Variants in IL1R1 observed in about 807,000 individuals in gnomAD.
IL1R1 encodes the protein interleukin 1 receptor type 1.
Under a neutral mutation model 50.2 loss-of-function variants are expected in IL1R1, and 22 were observed. The observed-to-expected ratio is 0.44, with a 90% CI of 0.31 to 0.63. The LOEUF (loss-of-function observed/expected upper bound fraction) is 0.63, where lower values mean the gene tolerates loss of function less well. Among genes scored for constraint, IL1R1 ranks in the 20% least tolerant of loss-of-function variants. IL1R1 has a pLI of 0.07. For synonymous variants in IL1R1, 251 were observed against 236.7 expected (o/e 1.06, Z -0.55); for missense variants, 509 against 676.2 (o/e 0.75, Z 2.74).
At chr2:102,169,448 A>C (rs995551364) in intron 7 of IL1R1, among the ~76,000 whole-genome samples, 2 of 152,236 alleles carry the variant, frequency 1.3e-5, no homozygotes, top group Non-Finnish European at 2.9e-5. Flanking sequence ...CTTAATAGCC[A>C]CATGTGACAA....
chr2:102,166,314 A>C, intron 6 of IL1R1, 33 bp downstream of exon 6: 1 of 1,543,626 alleles, frequency 6.5e-7, no homozygotes, highest in Non-Finnish European at 8.9e-7. Context: ...AAAGGTTTAG[A>C]TCTGGGAAGG....
rs1679046976 is a variant in IL1R1 at position 102,078,018 on chromosome 2, G to A, written c.-84+7485G>A. On this transcript the variant is annotated intron_variant, in intron 1 of 11. Coordinates refer to the IL1R1 transcript ENST00000409929. Reference sequence around the variant, plus strand: ...AAAAGAGAAATTAAAAATACTGTAAGATTAAAGAAAATGAAAGCACAATAC... The same window carrying A: ...AAAAGAGAAATTAAAAATACTGTAAAATTAAAGAAAATGAAAGCACAATAC... 5.3e-5 allele frequency among the ~76,000 whole-genome samples: 8 copies of A among 152,034 alleles called. No individual in the cohort carries two copies. The South Asian group carries it at 1.7e-3, about 32-fold the overall frequency.
chr2:102,076,837 CT>C (rs1678986044), intron 1 of IL1R1, among the ~76,000 whole-genome samples: 1 of 151,958 alleles, frequency 6.6e-6, no homozygotes, highest in South Asian at 2.1e-4. Flanking sequence ...TTTACAGTTA[CT>C]GTATTTGGGG....
chr2:102,103,437 T>C (rs1202993754), upstream of IL1R1, among the ~76,000 whole-genome samples: 5 of 152,084 alleles, frequency 3.3e-5, no homozygotes, highest in Admixed American at 6.5e-5. Flanking sequence ...CTGCAGAGCA[T>C]TGAAGCAGAG....
chr2:102,071,687 GT>G (rs1678726381), intron 1 of IL1R1, among the ~76,000 whole-genome samples: 1 of 152,176 alleles, frequency 6.6e-6, no homozygotes, highest in African/African-American at 2.4e-5. Context: ...TGTTGGTTTT[GT>G]TTGAAGATTC....
intron 9 of IL1R1, 40 bp downstream of exon 9, chr2:102,172,878 G>A (rs758434656): frequency 1.4e-6 from 2 of 1,442,118 alleles, no homozygotes; most frequent in African/African-American, 1.4e-5. Context: ...TTGTTTTACT[G>A]TAGTAAGATT....
intron 6 of IL1R1, among the ~76,000 whole-genome samples, chr2:102,166,821 A>T (rs899445529): frequency 6.6e-6 from 1 of 152,222 alleles, no homozygotes; most frequent in Admixed American, 6.5e-5. Context: ...TATGGGGTAC[A>T]CGAAACTTGT....
At chr2:102,121,346 C>A (rs780843124) in intron 1 of IL1R1, among the ~76,000 whole-genome samples, 39 of 152,210 alleles carry the variant, frequency 2.6e-4, no homozygotes, top group Admixed American at 1.9e-3. Context: ...TTGTCAGCTT[C>A]CTCCGCTTTG....
At position 102,167,591 on chromosome 2, in the gene IL1R1, G is replaced by A. The variant is rs893696161; in HGVS notation, c.656-1007G>A. On this transcript the variant is annotated intron_variant, in intron 6 of 11. Transcript: ENST00000410023. ...GCCTCCCGAGTAGCTGGAACTACAG[G>A]CGCCCGCCACCACGCCCGGCTAATT... Among the ~76,000 whole-genome samples the A allele has an allele frequency of 3.3e-5, 5 of 151,822 alleles. 1 individual carries two copies. The highest frequency in any genetic ancestry group is 3.3e-4 in the Admixed American group (5 of 15,248).
intron 1 of IL1R1, among the ~76,000 whole-genome samples, chr2:102,133,836 A>T (rs1682182654): frequency 6.6e-6 from 1 of 152,164 alleles, no homozygotes; most frequent in African/African-American, 2.4e-5. Flanking sequence ...TAGGATCAGG[A>T]ACAAGGCAAG....
chr2:102,112,477 C>T lies in IL1R1; in HGVS notation c.-84+7605C>T, dbSNP rs567467000. ...GTAGGAAGACTGCAAAGTCAGCTCA[C>T]CCCCTTCAGTGAGCTTCACCTCCCA... On this transcript the variant is annotated intron_variant, in intron 1 of 10. Transcript: ENST00000409329. Among the ~76,000 whole-genome samples, 7 of 152,122 alleles carry T rather than the reference C, an allele frequency of 4.6e-5. No homozygotes were observed. In the East Asian group the frequency reaches 1.4e-3, roughly 30 times the overall value.
chr2:102,175,127 A>T (rs1686013390), intron 10 of IL1R1, among the ~76,000 whole-genome samples: 1 of 152,054 alleles, frequency 6.6e-6, no homozygotes, highest in Non-Finnish European at 1.5e-5. Flanking sequence ...TTGCGAAAAA[A>T]AAAAAAGGAA....
rs139259819 is a variant in IL1R1 at position 102,124,922 on chromosome 2, T to TA, written c.-84+20059dup. Among the ~76,000 whole-genome samples, 697 of 150,688 alleles carry TA rather than the reference T, an allele frequency of 4.6e-3. 20 individuals are homozygous for TA. In the South Asian group the frequency reaches 0.091, roughly 20 times the overall value. ...CAGAGCAAGACTCTGTCTCAAAAAA[T>TA]AAAAAAAAATAAGACCTCCTGAGAC... On this transcript the variant is annotated intron_variant, in intron 1 of 10. Coordinates refer to the IL1R1 transcript ENST00000409329.
intron 6 of IL1R1, among the ~76,000 whole-genome samples, chr2:102,167,604 C>T (rs969601597): frequency 3.3e-5 from 5 of 151,962 alleles, no homozygotes; most frequent in South Asian, 2.1e-4. Flanking sequence ...CCCGCCACCA[C>T]GCCCGGCTAA....
rs147325928 is a variant in IL1R1, at chr2:102,123,557, C to A, written c.-84+18685C>A. On this transcript the variant is annotated intron_variant, in intron 1 of 10. Coordinates refer to the IL1R1 transcript ENST00000409329. Reference sequence around the variant, plus strand: ...TTGGGAGGCCAAGGCAGACAGATCACCTGAGGTCAGGAGTTCCAGACCAGC... The same window carrying A: ...TTGGGAGGCCAAGGCAGACAGATCAACTGAGGTCAGGAGTTCCAGACCAGC... Among the ~76,000 whole-genome samples the A allele has an allele frequency of 7.5e-3, 1,145 of 152,042 alleles. 17 individuals carry two copies. Among genetic ancestry groups the A allele is most frequent in the African/African-American group, 0.025 (1,043 of 41,496 alleles).
intron 9 of IL1R1, among the ~76,000 whole-genome samples, 168 bp from the exon 10 acceptor site, chr2:102,174,419 T>C (rs546063352): frequency 1.3e-5 from 2 of 152,236 alleles, no homozygotes; most frequent in African/African-American, 4.8e-5. Context: ...GCTTTGTACA[T>C]TAGTATCCAT....
intron 1 of IL1R1, among the ~76,000 whole-genome samples, chr2:102,097,264 G>A (rs1355343051): frequency 6.6e-6 from 1 of 152,148 alleles, no homozygotes. Flanking sequence ...AAACTCACAT[G>A]AGCTCTTAAC....
upstream of IL1R1, among the ~76,000 whole-genome samples, chr2:102,099,730 C>A (rs576646743): frequency 4.2e-4 from 64 of 152,312 alleles, no homozygotes; most frequent in African/African-American, 1.4e-3. Context: ...TCACTGTGGA[C>A]GTCTTAGTCA....
chr2:102,162,024 G>GC (rs1469754441), intron 3 of IL1R1, among the ~76,000 whole-genome samples: 1 of 151,948 alleles, frequency 6.6e-6, no homozygotes, highest in African/African-American at 2.4e-5. Flanking sequence ...TTTATGAAAT[G>GC]CCCCTTTTTT....
Sources: allele counts gnomAD v4.1 joint callset (sites outside exome capture counted in the v4.1 genomes callset), GRCh38; gene constraint gnomAD v4.1.1; transcripts MANE v1.5; gene names NCBI Gene and HGNC (gene_info 2026-07-23, HGNC 2026-07-21).